Variants in SLIT3 observed in about 807,000 individuals in gnomAD.
The protein encoded by SLIT3 is slit guidance ligand 3.
SLIT3 carries 68 observed loss-of-function variants against 184.0 expected under a neutral mutation model. That is an observed-to-expected ratio of 0.37 (90% confidence interval 0.30 to 0.45). The LOEUF is 0.45. Among genes scored for constraint, SLIT3 ranks in the 20% least tolerant of loss-of-function variants. The probability of loss-of-function intolerance (pLI) is 1.00; values close to 1 mark genes in which losing one functional copy is unlikely to be tolerated. For synonymous variants in SLIT3, 831 were observed against 828.6 expected, an observed-to-expected ratio of 1.00 and a Z score of -0.05; for missense variants, 1,707 against 2,026.0, an observed-to-expected ratio of 0.84 and a Z score of 3.02.
At chr5:169,294,694 G>A (rs867792277) in intron 1 of SLIT3, among the ~76,000 whole-genome samples, 9 of 152,180 alleles carry the variant, frequency 5.9e-5, no homozygotes, top group African/African-American at 1.9e-4. Flanking sequence ...ATGGGGATAC[G>A]TTCTAAGAAA....
chr5:169,167,546 G>C (rs1403750658), intron 4 of SLIT3, among the ~76,000 whole-genome samples: 1 of 151,970 alleles, frequency 6.6e-6, no homozygotes, highest in Non-Finnish European at 1.5e-5. Context: ...AAAGTGCTGG[G>C]ATTACAGGCT....
In SLIT3 at chr5:168,844,636, T is replaced by C; in HGVS notation, c.505A>G (p.Ile169Val). 2 of 1,614,140 alleles carry C rather than the reference T, an allele frequency of 1.2e-6. No individual in the cohort carries two copies. Residue 169 changes from isoleucine (I) to valine (V), a missense_variant, in exon 6 of 36, where the codon ATC becomes GTC. Coordinates refer to ENST00000519560, the MANE Select transcript of SLIT3 (RefSeq NM_003062.4). Reference sequence around the variant, plus strand: ...AAGGCTCCATCTTCAATGCAGCTGATGTGGTTGTTGTCCAGTTGCCTGTGG... The same window carrying C: ...AAGGCTCCATCTTCAATGCAGCTGACGTGGTTGTTGTCCAGTTGCCTGTGG... ...VKNLQLDNNH[I>V]SCIEDGAFRA...
intron 5 of SLIT3, among the ~76,000 whole-genome samples, chr5:168,848,771 G>A (rs906473466): frequency 1.3e-5 from 2 of 152,072 alleles, no homozygotes; most frequent in Non-Finnish European, 2.9e-5. Flanking sequence ...GCGTGAGTGA[G>A]GACTTAAAAT....
intron 3 of SLIT3, among the ~76,000 whole-genome samples, chr5:169,223,726 G>A (rs1764694549): frequency 6.6e-6 from 1 of 152,172 alleles, no homozygotes; most frequent in Non-Finnish European, 1.5e-5. Context: ...CAAAAATGAT[G>A]TACAAAATGG....
At chr5:168,828,486 A>C (rs1757772808) in intron 6 of SLIT3, among the ~76,000 whole-genome samples, 1 of 151,842 alleles carries the variant, frequency 6.6e-6, no homozygotes, top group Non-Finnish European at 1.5e-5. Context: ...TGAAAAATAA[A>C]ATAAATACAT....
chr5:169,258,863 A>C (rs892007670), intron 1 of SLIT3, among the ~76,000 whole-genome samples: 4 of 152,280 alleles, frequency 2.6e-5, no homozygotes, highest in Admixed American at 2.0e-4. Context: ...GGAGTGAAAA[A>C]ACAGCCCTCA....
chr5:169,020,425 C>T (rs2113487459), intron 4 of SLIT3, among the ~76,000 whole-genome samples: 1 of 152,164 alleles, frequency 6.6e-6, no homozygotes, highest in South Asian at 2.1e-4. Flanking sequence ...CTGAAAGTGG[C>T]AGAGTTCTTA....
intron 6 of SLIT3, among the ~76,000 whole-genome samples, chr5:168,827,040 A>T (rs1330462316): frequency 6.6e-6 from 1 of 152,236 alleles, no homozygotes; most frequent in Non-Finnish European, 1.5e-5. Context: ...CTGGGATTAC[A>T]GGTGTGAGCC....
chr5:168,738,937 C>CAAAAAAAAAAAAAAAAA (rs34133933), intron 20 of SLIT3, among the ~76,000 whole-genome samples: 1 of 84,294 alleles, frequency 1.2e-5, no homozygotes, highest in Non-Finnish European at 2.2e-5. Context: ...GACTCCATCT[C>CAAAAAAAAAAAAAAAAA]AAAAAAAAAA....
chr5:168,883,689 A>ACCCCCCCCCCCC (rs1760051800), intron 4 of SLIT3, among the ~76,000 whole-genome samples: 1 of 70,032 alleles, frequency 1.4e-5, no homozygotes, highest in Non-Finnish European at 2.9e-5. Context: ...CATCCCCCCA[A>ACCCCCCCCCCCC]CCCCCACACG....
chr5:168,757,657 G>C (rs964493498), intron 16 of SLIT3, among the ~76,000 whole-genome samples: 6 of 152,088 alleles, frequency 3.9e-5, no homozygotes, highest in Non-Finnish European at 8.8e-5. Flanking sequence ...GGATGGTCTC[G>C]ATCTCTTGAC....
intron 5 of SLIT3, among the ~76,000 whole-genome samples, chr5:168,860,237 G>A (rs572536139): frequency 6.6e-6 from 1 of 152,332 alleles, no homozygotes; most frequent in African/African-American, 2.4e-5. Context: ...ATTTGGCAGA[G>A]AAGTAAGGAC....
intron 9 of SLIT3, among the ~76,000 whole-genome samples, chr5:168,803,145 A>G (rs950266504): frequency 1.3e-5 from 2 of 152,258 alleles, no homozygotes; most frequent in African/African-American, 4.8e-5. Flanking sequence ...TGTATCTACT[A>G]TACAATACAC....
intron 5 of SLIT3, chr5:168,844,896 ATTTTTTTT>A: frequency 1.7e-5 from 4 of 230,488 alleles, no homozygotes; most frequent in South Asian, 7.0e-5. Flanking sequence ...TTAATTGCGC[ATTTTTTTT>A]TTTTTTTTTT....
intron 4 of SLIT3, among the ~76,000 whole-genome samples, chr5:169,095,885 T>C (rs1027685994): frequency 8.5e-5 from 13 of 152,202 alleles, no homozygotes; most frequent in Non-Finnish European, 2.9e-5. Flanking sequence ...ACAATACTTT[T>C]TAAAACAATT....
chr5:168,844,893 C>A (rs913071353), intron 5 of SLIT3: 2 of 331,390 alleles, frequency 6.0e-6, no homozygotes, highest in Admixed American at 4.8e-5. Flanking sequence ...ATATTAATTG[C>A]GCATTTTTTT....
chr5:168,817,050 G>A (rs1430477248), intron 8 of SLIT3, among the ~76,000 whole-genome samples: 1 of 151,988 alleles, frequency 6.6e-6, no homozygotes, highest in Non-Finnish European at 1.5e-5. Context: ...AATGGACTAG[G>A]GGCTGAAAAA....
chr5:168,907,609 A>T (rs1360939001), intron 4 of SLIT3, among the ~76,000 whole-genome samples: 1 of 152,152 alleles, frequency 6.6e-6, no homozygotes, highest in Non-Finnish European at 1.5e-5. Context: ...TGTGTATTAC[A>T]TGTATGATAA....
chr5:169,069,047 C>T (rs1453359686), intron 4 of SLIT3, among the ~76,000 whole-genome samples: 4 of 152,204 alleles, frequency 2.6e-5, no homozygotes, highest in African/African-American at 9.6e-5. Flanking sequence ...AATAACAAAG[C>T]AATGGCTGCC....
Sources: allele counts gnomAD v4.1 joint callset (sites outside exome capture counted in the v4.1 genomes callset), GRCh38; gene constraint gnomAD v4.1.1; transcripts MANE v1.5; gene names NCBI Gene and HGNC (gene_info 2026-07-23, HGNC 2026-07-21).